Variants in GTF3A observed in about 807,000 individuals in gnomAD.
GTF3A encodes transcription factor IIIA.
A neutral mutation model predicts 37.6 loss-of-function variants in GTF3A; 40 were observed. The ratio of observed to expected loss-of-function variants is 1.06; its 90% confidence interval spans 0.83 to 1.38. GTF3A has a LOEUF of 1.38. Ranked by LOEUF, GTF3A falls within the 40% of genes most tolerant of loss-of-function variation. The pLI is 0.00. For synonymous variants in GTF3A, 191 were observed against 166.7 expected (o/e 1.15, Z -1.12); for missense variants, 500 against 462.6 (o/e 1.08, Z -0.74).
At chr13:27,432,523 C>T (rs962332697) in intron 4 of GTF3A, among the ~76,000 whole-genome samples, 1 of 152,084 alleles carries the variant, frequency 6.6e-6, no homozygotes, top group Non-Finnish European at 1.5e-5. Context: ...AAAAAAGTAA[C>T]GTGACTTTTT....
At chr13:27,431,433 A>G (rs1466547571) in intron 4 of GTF3A, among the ~76,000 whole-genome samples, 2 of 152,216 alleles carry the variant, frequency 1.3e-5, no homozygotes. Flanking sequence ...TGATGTATAT[A>G]CACCATGGAA....
chr13:27,433,520 A>AAC, intron 5 of GTF3A, among the ~76,000 whole-genome samples: 2 of 46,366 alleles, frequency 4.3e-5, no homozygotes, highest in Middle Eastern at 0.013. Context: ...CTTTTAAAAA[A>AAC]AAAAAACAAA....
At chr13:27,429,992 T>G in intron 3 of GTF3A, 26 bp downstream of exon 3, 1 of 1,278,422 alleles carries the variant, frequency 7.8e-7, no homozygotes, top group East Asian at 2.6e-5. Flanking sequence ...TATGCTTAAA[T>G]TTTTTGAGTA....
intron 4 of GTF3A, among the ~76,000 whole-genome samples, chr13:27,431,871 G>A (rs1953660914): frequency 1.3e-5 from 2 of 152,172 alleles, no homozygotes; most frequent in Admixed American, 1.3e-4. Context: ...TATATTGGGA[G>A]CATTTTAAAG....
chr13:27,427,468 C>G (rs1403270462), intron 2 of GTF3A, among the ~76,000 whole-genome samples: 3 of 151,870 alleles, frequency 2.0e-5, no homozygotes, highest in Non-Finnish European at 2.9e-5. Flanking sequence ...TCCTAGCTAC[C>G]CAGGAGGCTG....
rs770124117 is a variant in GTF3A, at chr13:27,432,760, T to C, written c.518T>C (p.Phe173Ser). 4.2e-5 allele frequency: 68 copies of C among 1,606,410 alleles called. No homozygotes were observed. The highest frequency in any genetic ancestry group is 5.1e-5 in the Non-Finnish European group (60 of 1,176,338). The change falls in exon 5 of 9, where the codon TTT becomes TCT. Residue 173 changes from phenylalanine (F) to serine (S), a missense_variant. Coordinates refer to ENST00000381140, the MANE Select transcript of GTF3A (RefSeq NM_002097.3). ...ACCCAGGAAGGATGTGGGAAACACT[T>C]TGCATCACCCAGCAAGCTGAAACGA... is the stretch of plus-strand genomic sequence containing the variant.
chr13:27,426,797 T>A (rs1057166190), intron 1 of GTF3A, among the ~76,000 whole-genome samples: 4 of 152,214 alleles, frequency 2.6e-5, no homozygotes, highest in East Asian at 3.9e-4. Flanking sequence ...TAAGAGGGGG[T>A]TGCTGTGAAA....
At chr13:27,425,155 A>C in intron 1 of GTF3A, 2 of 501,546 alleles carry the variant, frequency 4.0e-6, no homozygotes, top group Non-Finnish European at 7.3e-6. Flanking sequence ...TTTACTAAGC[A>C]GTCATTGATC....
Position 27,424,806 on chromosome 13 carries a change from CG to C in GTF3A, c.71del (p.Gly24AlafsTer64). The C allele has an allele frequency of 6.5e-7, 1 of 1,545,652 alleles. No individual in the cohort carries two copies. The highest frequency in any genetic ancestry group is 1.4e-5 in the African/African-American group (1 of 72,592). ...CCATCGCCGACGCGTTCATTGCAGC[CG>C]GCGAGAGCTCAGCTCCGACCCCGCC... is the stretch of plus-strand genomic sequence containing the variant. On this transcript the variant is annotated frameshift_variant, in exon 1 of 9. Coordinates refer to ENST00000381140, the MANE Select transcript of GTF3A (RefSeq NM_002097.3). LOFTEE classifies it high-confidence loss of function.
In GTF3A at chr13:27,435,130, T is replaced by C; in HGVS notation, c.874-3T>C. 1.9e-6 allele frequency: 3 copies of C among 1,608,514 alleles called. No individual in the cohort carries two copies. Among genetic ancestry groups the C allele is most frequent in the African/African-American group, 1.3e-5 (1 of 74,784 alleles). ...TCATTAATAACTTTCTCTTTCATTG[T>C]AGCAAAGTCTCACTAGGCATGCTGT... is the stretch of plus-strand genomic sequence containing the variant. On this transcript the variant is annotated splice_region_variant and splice_polypyrimidine_tract_variant and intron_variant, in intron 7 of 8. Transcript: ENST00000381140.
chr13:27,425,028 C>G, intron 1 of GTF3A, 90 bp downstream of exon 1: 1 of 859,968 alleles, frequency 1.2e-6, no homozygotes, highest in Non-Finnish European at 1.8e-6. Context: ...CCGCAGGCCC[C>G]GCTGTGCAGC....
rs575270792 is a variant in GTF3A at position 27,424,862 on chromosome 13, G to C, written c.125G>C (p.Cys42Ser). The C allele has an allele frequency of 1.1e-4, 173 of 1,550,220 alleles. No individual in the cohort carries two copies. Among genetic ancestry groups the C allele is most frequent in the Admixed American group, 3.2e-4 (16 of 50,792 alleles). Residue 42 changes from cysteine to serine, a missense_variant, in exon 1 of 9, where the codon TGC (cysteine) becomes TCC (serine). Physicochemically the swap from Cys to Ser is moderately radical, Grantham distance 112. Transcript: ENST00000381140. ...CCCGCGCTTCCCAGGAGGTTCATCT[G>C]CTCCTTCCCTGACTGCAGCGCCAAT...
At chr13:27,425,084 T>A in intron 1 of GTF3A, 146 bp downstream of exon 1, 1 of 576,286 alleles carries the variant, frequency 1.7e-6, no homozygotes, top group South Asian at 2.3e-5. Flanking sequence ...GCTGAGGAAG[T>A]AGACAGGAAG....
Position 27,434,171 on chromosome 13 carries a change from G to A in GTF3A, c.595G>A (p.Ala199Thr), listed in dbSNP as rs1487007258. ...ATGTCAAAAAGGATGTTCCTTTGTG[G>A]CAAAAACATGGACGGAACTTCTGAA... Residue 199 changes from alanine to threonine, a missense_variant, in exon 6 of 9, where the codon GCA (alanine) becomes ACA (threonine). Transcript: ENST00000381140. The A allele has an allele frequency of 6.3e-6, 9 of 1,422,958 alleles. No individual in the cohort carries two copies. The highest frequency in any genetic ancestry group is 8.9e-6 in the Non-Finnish European group (9 of 1,005,660). The allele number at this position is 1,422,958 out of a possible 1,614,324, so 88.1% of individuals were successfully genotyped here.
chr13:27,430,768 C>T (rs924465911), intron 4 of GTF3A, 147 bp downstream of exon 4: 8 of 595,962 alleles, frequency 1.3e-5, no homozygotes, highest in South Asian at 1.3e-4. Context: ...GCCCACTTTT[C>T]GATGGATTGT....
chr13:27,428,613 C>T (rs747674228), intron 2 of GTF3A, among the ~76,000 whole-genome samples: 11 of 152,216 alleles, frequency 7.2e-5, no homozygotes, highest in Non-Finnish European at 1.2e-4. Flanking sequence ...GGGTCTCTCA[C>T]GCCCACTTGG....
chr13:27,426,370 T>G (rs2760901), intron 1 of GTF3A: 66,354 of 152,184 alleles, frequency 0.44, 15,775 homozygotes, highest in South Asian at 0.65. Flanking sequence ...TCCTGTTTGC[T>G]TGTTTTGCTC....
At chr13:27,430,046 G>T (rs1240412215) in intron 3 of GTF3A, 80 bp downstream of exon 3, 4 of 722,818 alleles carry the variant, frequency 5.5e-6, no homozygotes, top group Non-Finnish European at 8.8e-6. Flanking sequence ...TCAGCCAGGT[G>T]CGGTGGCTCA....
In GTF3A at chr13:27,429,254, C is replaced by T. The variant is rs1369597504; in HGVS notation, c.303-616C>T. ...GGAAAGGAAGTCCTGCTTCATCCCT[C>T]AAGCTTACGAAGGCTCATCACAAGA... On this transcript the variant is annotated intron_variant, in intron 2 of 8. Transcript: ENST00000381140. The T allele has an allele frequency of 3.7e-5, 5 of 136,856 alleles. No homozygotes were observed. In the Admixed American group the frequency reaches 4.0e-4, roughly 11 times the overall value. The allele number at this position is 136,856 out of a possible 1,614,324, so 8.5% of individuals were successfully genotyped here. A position where few individuals can be genotyped will look rare whatever the true frequency, so the allele number is the denominator to read the frequency against.
Sources: allele counts gnomAD v4.1 joint callset (sites outside exome capture counted in the v4.1 genomes callset), GRCh38; gene constraint gnomAD v4.1.1; transcripts MANE v1.5; gene names NCBI Gene and HGNC (gene_info 2026-07-23, HGNC 2026-07-21).